The following CFAP43 variants were observed in gnomAD, a reference collection of about 807,000 sequenced individuals.
CFAP43 encodes the protein cilia and flagella associated protein 43.
In CFAP43, 155 loss-of-function variants were observed where a neutral mutation model predicts 218.9. The ratio of observed to expected loss-of-function variants is 0.71; its 90% confidence interval spans 0.62 to 0.81. CFAP43 has a LOEUF of 0.81. CFAP43 is among the 30% of genes least tolerant of loss of function. CFAP43 has a pLI of 0.00. For synonymous variants in CFAP43, 645 were observed against 681.3 expected, an observed-to-expected ratio of 0.95 and a Z score of 0.83; for missense variants, 1,778 against 1,954.3, an observed-to-expected ratio of 0.91 and a Z score of 1.70.
At chr10:104,191,790 G>A (rs949993067) in intron 12 of CFAP43, among the ~76,000 whole-genome samples, 3 of 35,430 alleles carry the variant, frequency 8.5e-5, no homozygotes, top group African/African-American at 4.2e-4. Flanking sequence ...TTGTGTGTGT[G>A]GGGGGGGGGA....
chr10:104,209,050 C>T (rs2134964574), intron 5 of CFAP43, among the ~76,000 whole-genome samples: 1 of 152,240 alleles, frequency 6.6e-6, no homozygotes, highest in Non-Finnish European at 1.5e-5. Context: ...TAAAAGTCCA[C>T]AACTTATCCA....
intron 16 of CFAP43, among the ~76,000 whole-genome samples, chr10:104,184,059 A>G (rs2089948638): frequency 6.6e-6 from 1 of 152,176 alleles, no homozygotes; most frequent in South Asian, 2.1e-4. Context: ...ATCACGAAAT[A>G]TTATTTTTTC....
At chr10:104,161,400 G>T (rs1230989025) in intron 26 of CFAP43, among the ~76,000 whole-genome samples, 3 of 152,152 alleles carry the variant, frequency 2.0e-5, no homozygotes, top group African/African-American at 7.2e-5. Context: ...TAGACTCAGA[G>T]GGGTGTGTTG....
At position 104,161,128 on chromosome 10, in the gene CFAP43, T is replaced by C; in HGVS notation, c.3449A>G (p.Asp1150Gly). 1.9e-6 allele frequency: 3 copies of C among 1,613,842 alleles called. No individual in the cohort carries two copies. Among genetic ancestry groups the C allele is most frequent in the Non-Finnish European group, 8.5e-7 (1 of 1,179,864 alleles). The change falls in exon 27 of 38, where the codon GAT becomes GGT. Residue 1150 changes from aspartate (D) to glycine (G), a missense_variant. Coordinates refer to ENST00000357060, the MANE Select transcript of CFAP43 (RefSeq NM_025145.7). ...IPQPAFMAKP[D>G]AVWTEEERKQ... ...TCTTTCTTCTTCAGTCCACACAGCA[T>C]CAGGTTTTGCCATGAAAGCAGGTTG...
intron 29 of CFAP43, 33 bp downstream of exon 29, chr10:104,147,858 T>C (rs1337915012): frequency 4.6e-5 from 68 of 1,471,182 alleles, no homozygotes; most frequent in Middle Eastern, 1.8e-4. Context: ...TATCAGAAAA[T>C]GCTTGTATTC....
At chr10:104,169,652 A>G (rs1324236435) in intron 20 of CFAP43, among the ~76,000 whole-genome samples, 1 of 152,072 alleles carries the variant, frequency 6.6e-6, no homozygotes, top group African/African-American at 2.4e-5. Context: ...AGCAAACTAG[A>G]TAAGACTAAT....
At position 104,207,740 on chromosome 10, in the gene CFAP43, C is replaced by T; in HGVS notation, c.820G>A (p.Gly274Ser). Reference sequence around the variant, plus strand: ...TCTCCATTAATCATTAAAAGATGACCCTCTTCACAGCCAATGTACAAGTCA... The same window carrying T: ...TCTCCATTAATCATTAAAAGATGACTCTCTTCACAGCCAATGTACAAGTCA... ...TSDLYIGCEE[G>S]HLLMINGDTL... is the part of the protein sequence containing the mutation. Residue 274 changes from glycine (G) to serine (S), a missense_variant, in exon 6 of 38, where the codon GGT becomes AGT. Physicochemically the swap from Gly to Ser is moderately conservative, Grantham distance 56. Around this residue, in one of 3 missense-constraint regions of CFAP43, gnomAD observed 1,553 missense variants for 1,685.2 expected, o/e 0.92. Coordinates refer to ENST00000357060, the MANE Select transcript of CFAP43 (RefSeq NM_025145.7). 2 of 1,614,088 alleles carry T rather than the reference C, an allele frequency of 1.2e-6. No individual in the cohort carries two copies. The highest frequency in any genetic ancestry group is 1.7e-6 in the Non-Finnish European group (2 of 1,180,002).
At chr10:104,162,623 C>A (rs561812078) in intron 24 of CFAP43, among the ~76,000 whole-genome samples, 4 of 151,734 alleles carry the variant, frequency 2.6e-5, no homozygotes, top group Non-Finnish European at 5.9e-5. Context: ...TTGTGTCCAC[C>A]ACTAAAAAGA....
intron 16 of CFAP43, among the ~76,000 whole-genome samples, chr10:104,183,925 C>G (rs527154): frequency 0.47 from 71,444 of 151,976 alleles, 17,729 homozygotes; most frequent in African/African-American, 0.65. Flanking sequence ...ATGCAATCCT[C>G]AAATGAGTTT....
intron 8 of CFAP43, among the ~76,000 whole-genome samples, chr10:104,199,374 T>C (rs2090465732): frequency 6.6e-6 from 1 of 152,210 alleles, no homozygotes; most frequent in African/African-American, 2.4e-5. Context: ...AAAATGACTT[T>C]ATAGGAGTTC....
chr10:104,167,880 T>C, intron 21 of CFAP43, 143 bp from the exon 22 acceptor site: 1 of 561,334 alleles, frequency 1.8e-6, no homozygotes, highest in Non-Finnish European at 3.1e-6. Flanking sequence ...GAAACCTTTT[T>C]AAAAATAAAA....
chr10:104,207,641 A>G (rs376578479), intron 6 of CFAP43, 24 bp downstream of exon 6: 11 of 1,602,148 alleles, frequency 6.9e-6, no homozygotes, highest in Non-Finnish European at 9.4e-6. Flanking sequence ...CTATACAGGA[A>G]TATGAAGTAG....
chr10:104,232,360 C>T lies in CFAP43; in HGVS notation c.-114G>A. ...CCGCGACGCCGCTGCTGTGTACACCCGTATCCCGGAGACCGTAAGCCCCGC... is the reference window on the plus strand; with the variant it reads ...CCGCGACGCCGCTGCTGTGTACACCTGTATCCCGGAGACCGTAAGCCCCGC... On this transcript the variant is annotated 5_prime_UTR_variant, in exon 1 of 38. Transcript: ENST00000357060. 1 of 1,091,344 alleles carries T rather than the reference C, an allele frequency of 9.2e-7. No homozygotes were observed. The highest frequency in any genetic ancestry group is 1.7e-5 in the South Asian group (1 of 58,678). 67.6% of individuals were successfully genotyped at this position (1,091,344 alleles called of 1,614,324 possible).
intron 9 of CFAP43, 31 bp downstream of exon 9, chr10:104,197,891 T>C (rs776445754): frequency 7.1e-7 from 1 of 1,401,934 alleles, no homozygotes; most frequent in East Asian, 2.3e-5. Context: ...GTATCTTTAG[T>C]CCTACTGTGA....
chr10:104,230,714 A>G lies in CFAP43; in HGVS notation c.195T>C (p.Asn65=). 1.2e-6 allele frequency: 2 copies of G among 1,614,104 alleles called. No individual in the cohort carries two copies. The highest frequency in any genetic ancestry group is 1.7e-6 in the Non-Finnish European group (2 of 1,180,008). The change falls in exon 2 of 38, where the codon AAT becomes AAC. Residue 65 remains asparagine (N), a synonymous_variant. Transcript: ENST00000357060. ...TAGTTGCCATGACGCCCACAATTCC[A>G]TTACTACACTGCAGTACAGTCTTTT... The part of the protein sequence containing the change: ...TKKKTVLQCS[N]GIVGVMATNI...
chr10:104,157,871 C>A (rs2088658554), intron 27 of CFAP43, among the ~76,000 whole-genome samples: 1 of 150,080 alleles, frequency 6.7e-6, no homozygotes, highest in Non-Finnish European at 1.5e-5. Context: ...CTCTAAATAC[C>A]AATTGCCAGC....
chr10:104,153,978 T>C (rs980599581), intron 27 of CFAP43, among the ~76,000 whole-genome samples: 9 of 152,220 alleles, frequency 5.9e-5, no homozygotes, highest in African/African-American at 1.4e-4. Flanking sequence ...GCAGGAACAC[T>C]ATGTAAGTTA....
intron 24 of CFAP43, 143 bp downstream of exon 24, chr10:104,163,951 G>A (rs2089013243): frequency 2.7e-6 from 2 of 744,946 alleles, no homozygotes; most frequent in Non-Finnish European, 4.3e-6. Context: ...TCATTGCTGA[G>A]GCTACATCAT....
intron 3 of CFAP43, among the ~76,000 whole-genome samples, chr10:104,222,725 C>T (rs955318565): frequency 6.6e-6 from 1 of 152,216 alleles, no homozygotes; most frequent in Non-Finnish European, 1.5e-5. Context: ...GTCTCAGTCT[C>T]ACCTCAGCTT....
Sources: allele counts gnomAD v4.1 joint callset (sites outside exome capture counted in the v4.1 genomes callset), GRCh38; gene constraint gnomAD v4.1.1; regional missense constraint gnomAD v4.1.1; transcripts MANE v1.5; gene names NCBI Gene and HGNC (gene_info 2026-07-23, HGNC 2026-07-21).